The following ABR variants were observed in gnomAD, a reference collection of about 807,000 sequenced individuals.
ABR encodes ABR activator of RhoGEF and GTPase, also known as active breakpoint cluster region-related protein.
In ABR, 35 loss-of-function variants were observed where a neutral mutation model predicts 107.2. That is an observed-to-expected ratio of 0.33 (90% CI 0.25 to 0.43). The LOEUF is 0.43. ABR is among the 20% of genes least tolerant of loss of function. The pLI, the probability that ABR is intolerant of heterozygous loss-of-function variation, is 1.00. For missense variants in ABR, 815 were observed against 1,115.2 expected (o/e 0.73, Z 3.83); for synonymous variants, 498 against 462.0 (o/e 1.08, Z -1.00).
At chr17:1,205,146 C>T (rs2042765878) in intron 1 of ABR, among the ~76,000 whole-genome samples, 1 of 152,098 alleles carries the variant, frequency 6.6e-6, no homozygotes, top group Non-Finnish European at 1.5e-5. Flanking sequence ...AGGTGACCCG[C>T]CCACCTCAGC....
rs577999246 is a variant in ABR, at chr17:1,101,775, C to T, written c.247-1040G>A. Among the ~76,000 whole-genome samples the T allele has an allele frequency of 1.9e-4, 29 of 151,618 alleles. 1 individual carries two copies. The highest frequency in any genetic ancestry group is 9.7e-4 in the East Asian group (5 of 5,162). On this transcript the variant is annotated intron_variant, in intron 2 of 22. Transcript: ENST00000302538. ...TAGAGACGGAGTCTCGCTCTGTCGC[C>T]CAGGCTAGAGTGCAGTGGCGCGATC...
chr17:1,023,918 AG>A (rs2071934642), intron 16 of ABR, among the ~76,000 whole-genome samples: 1 of 148,640 alleles, frequency 6.7e-6, no homozygotes, highest in Non-Finnish European at 1.5e-5. Flanking sequence ...CCAGCTACTC[AG>A]GGGGCTGAGG....
At chr17:1,032,505 C>T (rs2072882551) in intron 16 of ABR, among the ~76,000 whole-genome samples, 1 of 151,716 alleles carries the variant, frequency 6.6e-6, no homozygotes, top group South Asian at 2.1e-4. Context: ...TGGCCCTTTG[C>T]ACCTCACCAA....
rs767092817 is a variant in ABR at position 1,050,639 on chromosome 17, G to C, written c.1562-5C>G. 1 of 1,612,584 alleles carries C rather than the reference G, an allele frequency of 6.2e-7. No homozygotes were observed. Among genetic ancestry groups the C allele is most frequent in the South Asian group, 1.1e-5 (1 of 91,052 alleles). On this transcript the variant is annotated splice_polypyrimidine_tract_variant and splice_region_variant and intron_variant, in intron 14 of 22. Coordinates refer to ENST00000302538, the MANE Select transcript of ABR (RefSeq NM_021962.5). This position sits in a 1 kb window ranked among gnomAD's most constrained non-coding sequence, Gnocchi z 4.6. ...CCTCCAGGGTACAGTACAGGTCTGT[G>C]GGGGAAGGACAGACGGAGATACTGA...
chr17:1,229,370 G>A (rs531178236), exon 1 of ABR, among the ~76,000 whole-genome samples: 1 of 149,166 alleles, frequency 6.7e-6, no homozygotes, highest in East Asian at 2.0e-4. Context: ...GGCGCCCGGG[G>A]TCCCCGCGGG....
In ABR at chr17:1,010,600, G is replaced by A; in HGVS notation, c.2236+129C>T. On this transcript the variant is annotated intron_variant, in intron 20 of 22. Coordinates refer to ENST00000302538, the MANE Select transcript of ABR (RefSeq NM_021962.5). The surrounding 1 kb of genome is among the most constrained non-coding windows in gnomAD (Gnocchi z 4.1). Reference sequence around the variant, plus strand: ...TCACCCTCGGACCCCTCAGCCACAGGCCCCAGTGCACTGGGAAGGTCAGCC... The same window carrying A: ...TCACCCTCGGACCCCTCAGCCACAGACCCCAGTGCACTGGGAAGGTCAGCC... 1 of 1,275,240 alleles carries A rather than the reference G, an allele frequency of 7.8e-7. No individual in the cohort carries two copies. The highest frequency in any genetic ancestry group is 1.1e-6 in the Non-Finnish European group (1 of 927,236). 79.0% of individuals were successfully genotyped at this position (1,275,240 alleles called of 1,614,324 possible).
intron 1 of ABR, among the ~76,000 whole-genome samples, chr17:1,193,555 C>T (rs965367423): frequency 1.3e-5 from 2 of 152,140 alleles, no homozygotes; most frequent in African/African-American, 4.8e-5. Flanking sequence ...GCCACCAGTC[C>T]TGAAGCTTCA....
chr17:1,008,439 C>T (rs2070234496), intron 21 of ABR, among the ~76,000 whole-genome samples: 1 of 152,216 alleles, frequency 6.6e-6, no homozygotes, highest in African/African-American at 2.4e-5. Context: ...GCCAGCCCCT[C>T]ACCACACGCG....
intron 1 of ABR, 131 bp from the exon 2 acceptor site, chr17:1,125,498 CGGGGGCTGTGCG>C (rs1465524633): frequency 1.0e-6 from 1 of 977,734 alleles, no homozygotes; most frequent in East Asian, 2.9e-5. Context: ...CTGGCCCGGG[CGGGGGCTGTGCG>C]GGGGCCTGGG....
At chr17:1,007,973 G>A (rs948514441) in intron 21 of ABR, among the ~76,000 whole-genome samples, 5 of 152,352 alleles carry the variant, frequency 3.3e-5, no homozygotes, top group African/African-American at 1.2e-4. Flanking sequence ...AGATGAGCCC[G>A]GGGACTGTCC....
intron 12 of ABR, 145 bp from the exon 13 acceptor site, chr17:1,057,247 C>G: frequency 1.8e-6 from 1 of 565,554 alleles, no homozygotes; most frequent in South Asian, 1.9e-5. Context: ...TTTGTGGACA[C>G]AGCAGGACTG....
At chr17:1,049,098 C>G (rs1029092205) in intron 16 of ABR, among the ~76,000 whole-genome samples, 1 of 152,184 alleles carries the variant, frequency 6.6e-6, no homozygotes, top group South Asian at 2.1e-4. Flanking sequence ...GTTTCAGAGA[C>G]ACAGGCTGCA....
chr17:1,010,583 G>T lies in ABR; in HGVS notation c.2236+146C>A. 9.0e-7 allele frequency: 1 copy of T among 1,115,852 alleles called. No homozygotes were observed. Among genetic ancestry groups the T allele is most frequent in the African/African-American group, 1.6e-5 (1 of 63,968 alleles). 69.1% of individuals were successfully genotyped at this position (1,115,852 alleles called of 1,614,324 possible). ...TCCCAGCAGGCCACACCTCACCCTC[G>T]GACCCCTCAGCCACAGGCCCCAGTG... On this transcript the variant is annotated intron_variant, in intron 20 of 22. Transcript: ENST00000302538. The surrounding 1 kb of genome is among the most constrained non-coding windows in gnomAD (Gnocchi z 4.1).
chr17:1,203,798 T>A lies in ABR; in HGVS notation c.838+24995A>T, dbSNP rs1229741301. Reference sequence around the variant, plus strand: ...CGCGGGGCGAAGGGGGCTCGGGCGCTCTCTCCGCGTGGCGAGAGACCCGCC... The same window carrying A: ...CGCGGGGCGAAGGGGGCTCGGGCGCACTCTCCGCGTGGCGAGAGACCCGCC... On this transcript the variant is annotated intron_variant, in intron 1 of 22. Coordinates refer to the ABR transcript ENST00000574139. Among the ~76,000 whole-genome samples the A allele has an allele frequency of 1.3e-4, 20 of 151,752 alleles. 1 individual carries two copies. Among genetic ancestry groups the A allele is most frequent in the Non-Finnish European group, 1.5e-5 (1 of 67,934 alleles).
At chr17:1,176,895 AAGAG>A (rs2041937893) in intron 1 of ABR, among the ~76,000 whole-genome samples, 3 of 151,972 alleles carry the variant, frequency 2.0e-5, no homozygotes, top group Admixed American at 1.3e-4. Flanking sequence ...AAAAGAAAGA[AAGAG>A]AAAGTGACTA....
intron 16 of ABR, chr17:1,031,563 CCCCA>C: frequency 9.0e-7 from 1 of 1,104,996 alleles, no homozygotes; most frequent in Non-Finnish European, 1.1e-6. Context: ...GCCCCCGAGC[CCCCA>C]CCCCCCGGAA....
At position 1,011,839 on chromosome 17, in the gene ABR, G is replaced by C; in HGVS notation, c.2101+7C>G. 6.4e-7 allele frequency: 1 copy of C among 1,566,884 alleles called. No homozygotes were observed. The highest frequency in any genetic ancestry group is 8.7e-7 in the Non-Finnish European group (1 of 1,148,942). ...ACACCTGCCCCGGCTGGGCCTCCCA[G>C]ACTCACTGGCATCGAAGACGGCCTT... is the stretch of plus-strand genomic sequence containing the variant. On this transcript the variant is annotated splice_region_variant and intron_variant, in intron 19 of 22. Coordinates refer to ENST00000302538, the MANE Select transcript of ABR (RefSeq NM_021962.5). The surrounding 1 kb of genome is among the most constrained non-coding windows in gnomAD (Gnocchi z 4.8).
intron 1 of ABR, among the ~76,000 whole-genome samples, chr17:1,223,701 G>T (rs982402727): frequency 2.0e-5 from 3 of 152,164 alleles, no homozygotes; most frequent in Non-Finnish European, 4.4e-5. Flanking sequence ...GGCTGGGGAG[G>T]CCTCAGGAAA....
At chr17:1,036,684 T>A (rs2073205212) in intron 16 of ABR, among the ~76,000 whole-genome samples, 1 of 151,896 alleles carries the variant, frequency 6.6e-6, no homozygotes, top group Non-Finnish European at 1.5e-5. Flanking sequence ...GATGGCACGT[T>A]CCGGGGACAG....
Sources: allele counts gnomAD v4.1 joint callset (sites outside exome capture counted in the v4.1 genomes callset), GRCh38; gene constraint gnomAD v4.1.1; non-coding constraint Gnocchi (gnomAD v3.1); transcripts MANE v1.5; gene names NCBI Gene and HGNC (gene_info 2026-07-23, HGNC 2026-07-21).